Variants in ART3 observed in about 807,000 individuals in gnomAD.
ART3 encodes ADP-ribosyltransferase 3 (inactive).
Under a neutral mutation model 48.5 loss-of-function variants are expected in ART3, and 49 were observed. The observed-to-expected ratio is 1.01, with a 90% CI of 0.80 to 1.28. The LOEUF (loss-of-function observed/expected upper bound fraction) is 1.28, where lower values mean the gene tolerates loss of function less well. Among genes scored for constraint, ART3 ranks in the 50% most tolerant of loss-of-function variants. ART3 has a pLI of 0.00. For synonymous variants in ART3, 145 were observed against 157.2 expected (o/e 0.92, Z 0.58); for missense variants, 438 against 454.3 (o/e 0.96, Z 0.33).
intron 1 of ART3, chr4:76,033,761 C>G (rs1479009377): frequency 1.3e-5 from 2 of 151,710 alleles, no homozygotes; most frequent in Non-Finnish European, 2.9e-5. Context: ...TTGAGTATAC[C>G]TAAATTTTAC....
chr4:76,075,622 A>C (rs1290648945), intron 1 of ART3, among the ~76,000 whole-genome samples: 1 of 152,130 alleles, frequency 6.6e-6, no homozygotes, highest in Non-Finnish European at 1.5e-5. Flanking sequence ...GGAGTATGGA[A>C]ATGCACAGAT....
At chr4:76,089,095 A>G (rs554241694) in intron 3 of ART3, among the ~76,000 whole-genome samples, 33 of 152,330 alleles carry the variant, frequency 2.2e-4, no homozygotes, top group African/African-American at 7.5e-4. Context: ...TAAAAGTACT[A>G]TTATTTTATT....
chr4:76,085,596 A>G (rs1723371701), intron 3 of ART3, among the ~76,000 whole-genome samples: 1 of 152,164 alleles, frequency 6.6e-6, no homozygotes, highest in Non-Finnish European at 1.5e-5. Flanking sequence ...GAAATGAGTA[A>G]ATTTGGTTGA....
chr4:76,035,143 C>T (rs751013884), intron 1 of ART3: 2 of 1,540,764 alleles, frequency 1.3e-6, no homozygotes, highest in South Asian at 2.2e-5. Flanking sequence ...ATACAAGAGT[C>T]TTAAAGTTTA....
At chr4:76,043,660 C>T (rs1273383038) in intron 1 of ART3, among the ~76,000 whole-genome samples, 14 of 151,962 alleles carry the variant, frequency 9.2e-5, no homozygotes, top group Non-Finnish European at 1.6e-4. Context: ...TTCCCACTGG[C>T]GCCTGTCCCT....
At position 76,112,397 on chromosome 4, in the gene ART3, G is replaced by T. The variant is rs545887964; in HGVS notation, c.1048G>T (p.Val350Phe). 11 of 1,613,870 alleles carry T rather than the reference G, an allele frequency of 6.8e-6. No individual in the cohort carries two copies. The East Asian group carries it at 2.5e-4, about 36-fold the overall frequency. ...GNINNPTPGPVPVPGPKSHPS... is the reference protein window; with the variant it reads ...GNINNPTPGPFPVPGPKSHPS... ...ATTCTTGTTAACAGCTCCAGGTCCA[G>T]TTCCTGTTCCAGGTCCCAAAAGCCA... Residue 350 changes from valine (V) to phenylalanine (F), a missense_variant, in exon 12 of 12, where the codon GTT becomes TTT. Physicochemically the swap from Val to Phe is conservative, Grantham distance 50. This residue lies in a region of ART3 where 227 missense variants were observed against 229.6 expected (regional missense o/e 0.99). Coordinates refer to ENST00000355810, the MANE Select transcript of ART3 (RefSeq NM_001130016.3).
In ART3 at chr4:76,097,654, C is replaced by T. The variant is rs746991811; in HGVS notation, c.792C>T (p.Thr264=). ...ATCTTTGTGTTTCAGGACTAAAAAC[C>T]GAAAACTGTATTGAGAACCTAGGTA... ...YECAFLGGLK[T]ENCIENLEYF... The change falls in exon 4 of 12, where the codon ACC becomes ACT. Residue 264 remains threonine, a synonymous_variant. Transcript: ENST00000355810. 20 of 1,606,858 alleles carry T rather than the reference C, an allele frequency of 1.2e-5. No homozygotes were observed. The East Asian group carries it at 1.6e-4, about 13-fold the overall frequency.
chr4:76,071,429 C>T (rs149485645), upstream of ART3, among the ~76,000 whole-genome samples: 3 of 152,090 alleles, frequency 2.0e-5, no homozygotes, highest in African/African-American at 7.2e-5. Flanking sequence ...CACCATCAAG[C>T]TATACTGCCT....
chr4:76,077,870 T>C (rs1415773124), intron 2 of ART3, among the ~76,000 whole-genome samples: 1 of 152,214 alleles, frequency 6.6e-6, no homozygotes, highest in Admixed American at 6.5e-5. Context: ...TGTTACTTGG[T>C]TTTTCATCAT....
chr4:76,103,721 G>T (rs1727842016), intron 8 of ART3, among the ~76,000 whole-genome samples: 1 of 152,138 alleles, frequency 6.6e-6, no homozygotes, highest in Non-Finnish European at 1.5e-5. Context: ...GTTAGATCGT[G>T]GAAGTTCTTG....
At position 76,022,219 on chromosome 4, in the gene ART3, A is replaced by G. The variant is rs1578207987; in HGVS notation, c.-10+10899A>G. On this transcript the variant is annotated intron_variant, in intron 1 of 9. Coordinates refer to the ART3 transcript ENST00000341029. ...TTATCACACAAGATGGTGCCTCAGCATTTAAATAAATGGAGGTAGGGGAGG... is the reference window on the plus strand; with the variant it reads ...TTATCACACAAGATGGTGCCTCAGCGTTTAAATAAATGGAGGTAGGGGAGG... The G allele has an allele frequency of 5.6e-6, 4 of 710,070 alleles. No individual in the cohort carries two copies. In the East Asian group the frequency reaches 1.0e-4, roughly 19 times the overall value. 44.0% of individuals were successfully genotyped at this position (710,070 alleles called of 1,614,324 possible). A position where few individuals can be genotyped will look rare whatever the true frequency, so the allele number is the denominator to read the frequency against.
chr4:76,022,330 A>G, intron 1 of ART3: 2 of 1,547,224 alleles, frequency 1.3e-6, no homozygotes, highest in African/African-American at 1.4e-5. Flanking sequence ...GCCGTTTCCT[A>G]AAGAGCAATT....
At chr4:76,108,161 T>C (rs908000206) in intron 11 of ART3, among the ~76,000 whole-genome samples, 1 of 151,946 alleles carries the variant, frequency 6.6e-6, no homozygotes, top group Admixed American at 6.6e-5. Flanking sequence ...AAAGTCCTTA[T>C]ATTATCCAGA....
At position 76,077,385 on chromosome 4, in the gene ART3, G is replaced by A. The variant is rs77964755; in HGVS notation, c.69+1427G>A. The stretch of plus-strand genomic sequence containing the variant: ...CCGAGTAATATTCTATTTTATGGCC[G>A]TACCGCATCTTGTTTATCCATTTAT... On this transcript the variant is annotated intron_variant, in intron 2 of 11. Transcript: ENST00000355810. Among the ~76,000 whole-genome samples, 145 of 152,142 alleles carry A rather than the reference G, an allele frequency of 9.5e-4. 1 individual carries two copies. The East Asian group carries it at 0.025, about 26-fold the overall frequency.
In ART3 at chr4:76,082,366, C is replaced by A. The variant is rs2149559007; in HGVS notation, c.612C>A (p.Tyr204Ter). Reference sequence around the variant, plus strand: ...ACCAGCTCACTGTGTTATCCATCTACACATGCCTTGGAGTTGACATTGAAA... The same window carrying A: ...ACCAGCTCACTGTGTTATCCATCTAAACATGCCTTGGAGTTGACATTGAAA... ...ANDQLTVLSI[Y>*]TCLGVDIENF... Residue 204 changes from tyrosine to a stop codon, truncating the protein, a stop_gained, in exon 3 of 12, where the codon TAC (tyrosine) becomes TAA (stop). Transcript: ENST00000355810. LOFTEE classifies it high-confidence loss of function. 6.2e-7 allele frequency: 1 copy of A among 1,614,214 alleles called. No individual in the cohort carries two copies. The highest frequency in any genetic ancestry group is 2.2e-5 in the East Asian group (1 of 44,892).
chr4:76,101,789 G>A lies in ART3; in HGVS notation c.937+770G>A, dbSNP rs561453009. Among the ~76,000 whole-genome samples the A allele has an allele frequency of 1.3e-4, 20 of 152,290 alleles. No homozygotes were observed. In the South Asian group the frequency reaches 3.7e-3, roughly 28 times the overall value. On this transcript the variant is annotated intron_variant, in intron 8 of 11. Coordinates refer to ENST00000355810, the MANE Select transcript of ART3 (RefSeq NM_001130016.3). ...TTACTCAGATGTCCTCAAGGATACCGGGACAGGAACAGTCTCATAAATTAC... is the reference window on the plus strand; with the variant it reads ...TTACTCAGATGTCCTCAAGGATACCAGGACAGGAACAGTCTCATAAATTAC...
intron 1 of ART3, among the ~76,000 whole-genome samples, chr4:76,063,363 G>A (rs4412014): frequency 0.97 from 147,198 of 152,276 alleles, 71,192 homozygotes; most frequent in East Asian, 1. Context: ...CATAATTCAG[G>A]AAGAGTTAAA....
chr4:76,094,782 C>A (rs1725646886), intron 3 of ART3, among the ~76,000 whole-genome samples: 1 of 152,144 alleles, frequency 6.6e-6, no homozygotes, highest in Non-Finnish European at 1.5e-5. Context: ...TTGAGGGAAA[C>A]CCTTTGCAGA....
chr4:76,035,039 TAA>T, intron 1 of ART3: 1 of 1,606,076 alleles, frequency 6.2e-7, no homozygotes, highest in Non-Finnish European at 8.5e-7. Context: ...AGTAATTTGG[TAA>T]CTTACTTTGA....
Sources: gnomAD v4.1 joint callset for allele counts (sites outside exome capture counted in the v4.1 genomes callset) on GRCh38, gnomAD v4.1.1 for gene constraint, gnomAD v4.1.1 regional missense constraint, MANE v1.5 for transcripts, NCBI Gene and HGNC (gene_info 2026-07-23, HGNC 2026-07-21) for gene names.